The following DDX60L variants were observed in gnomAD, a reference collection of about 807,000 sequenced individuals.
The protein encoded by DDX60L is DExD/H-box 60 like, also known as probable ATP-dependent RNA helicase DDX60-like.
DDX60L carries 191 observed loss-of-function variants against 211.6 expected under a neutral mutation model. That is an observed-to-expected ratio of 0.90 (90% confidence interval 0.80 to 1.02). The LOEUF is 1.02. Ranked by LOEUF, DDX60L falls within the 50% of genes least tolerant of loss-of-function variation. The pLI is 0.00. For synonymous variants in DDX60L, 706 were observed against 694.1 expected (o/e 1.02, Z -0.27); for missense variants, 2,007 against 1,984.1 (o/e 1.01, Z -0.22).
Position 168,391,642 on chromosome 4 carries a change from TA to T in DDX60L, c.3812del (p.Val1271GlufsTer2). Reference sequence around the variant, plus strand: ...AGGCAAGTGTTTCAGTAGCTGTCACTACCTAGGAAAAAAAAAAAAAAACAGT... The same window carrying T: ...AGGCAAGTGTTTCAGTAGCTGTCACTCCTAGGAAAAAAAAAAAAAAACAGT... ...EILFVKGLIR[V>X]VTATETLALG... On this transcript the variant is annotated frameshift_variant and splice_region_variant, in exon 29 of 38. Transcript: ENST00000682922. LOFTEE classifies it high-confidence loss of function. 7.1e-7 allele frequency: 1 copy of T among 1,415,872 alleles called. No homozygotes were observed. Among genetic ancestry groups the T allele is most frequent in the South Asian group, 1.4e-5 (1 of 72,008 alleles). 87.7% of individuals were successfully genotyped at this position (1,415,872 alleles called of 1,614,324 possible). A position where few individuals can be genotyped will look rare whatever the true frequency, so the allele number is the denominator to read the frequency against.
chr4:168,361,205 A>T lies in DDX60L; in HGVS notation c.4935T>A (p.Arg1645=). Residue 1645 remains arginine, a synonymous_variant, in exon 37 of 38, where the codon CGT becomes CGA. Coordinates refer to ENST00000682922, the MANE Select transcript of DDX60L (RefSeq NM_001012967.3). The stretch of plus-strand genomic sequence containing the variant: ...TCAAACACTTTAAAAGCTGTCCCAT[A>T]CGCATCCTAAAGAGAACAACATTTC... ...LTRLDQKNGM[R]MGQLLKCLKD... is the part of the protein sequence containing the mutation. 2 of 1,583,022 alleles carry T rather than the reference A, an allele frequency of 1.3e-6. No individual in the cohort carries two copies. Among genetic ancestry groups the T allele is most frequent in the African/African-American group, 1.3e-5 (1 of 74,666 alleles).
rs543975688 is a variant in DDX60L at position 168,371,909 on chromosome 4, T to C, written c.4777-146A>G. ...GGAGGCAGGCAGAGGGGGATTCCCATGGGGGTTGAGGGAAATAGGGCCCAT... is the reference window on the plus strand; with the variant it reads ...GGAGGCAGGCAGAGGGGGATTCCCACGGGGGTTGAGGGAAATAGGGCCCAT... On this transcript the variant is annotated intron_variant, in intron 35 of 37. Coordinates refer to ENST00000682922, the MANE Select transcript of DDX60L (RefSeq NM_001012967.3). 9.4e-4 allele frequency: 676 copies of C among 715,360 alleles called. 10 individuals carry two copies. The South Asian group carries it at 0.013, about 14-fold the overall frequency. 44.3% of individuals were successfully genotyped at this position (715,360 alleles called of 1,614,324 possible).
intron 32 of DDX60L, among the ~76,000 whole-genome samples, chr4:168,378,829 A>G (rs1337775063): frequency 1.3e-5 from 2 of 152,166 alleles, no homozygotes; most frequent in Non-Finnish European, 2.9e-5. Flanking sequence ...CCTTTACTCA[A>G]AAACCTTTGA....
Position 168,363,395 on chromosome 4 carries a change from G to A in DDX60L, c.4929-2184C>T, listed in dbSNP as rs377707381. Among the ~76,000 whole-genome samples the A allele has an allele frequency of 1.1e-4, 17 of 152,224 alleles. 1 individual carries two copies. Among genetic ancestry groups the A allele is most frequent in the African/African-American group, 2.2e-4 (9 of 41,530 alleles). ...AAAACTCATCGATAGAAGTAAATTCGTAATCAAATTCAGAATAACCTCATG... is the reference window on the plus strand; with the variant it reads ...AAAACTCATCGATAGAAGTAAATTCATAATCAAATTCAGAATAACCTCATG... On this transcript the variant is annotated intron_variant, in intron 36 of 37. Coordinates refer to ENST00000682922, the MANE Select transcript of DDX60L (RefSeq NM_001012967.3).
At chr4:168,413,787 T>C (rs1196772637) in intron 22 of DDX60L, among the ~76,000 whole-genome samples, 1 of 152,080 alleles carries the variant, frequency 6.6e-6, no homozygotes, top group Non-Finnish European at 1.5e-5. Flanking sequence ...TTAAAGGGGC[T>C]TAAAACCCCT....
intron 21 of DDX60L, 49 bp downstream of exon 21, chr4:168,415,608 G>A (rs2149839732): frequency 7.0e-7 from 1 of 1,433,736 alleles, no homozygotes; most frequent in Non-Finnish European, 9.4e-7. Context: ...AAAAAGCTTT[G>A]TAGTAAAATA....
At chr4:168,374,111 G>C (rs183052104) in intron 34 of DDX60L, among the ~76,000 whole-genome samples, 1 of 151,820 alleles carries the variant, frequency 6.6e-6, no homozygotes, top group Non-Finnish European at 1.5e-5. Flanking sequence ...AGTGGATTTG[G>C]AGCTGGCATA....
chr4:168,400,856 A>C lies in DDX60L; in HGVS notation c.3461T>G (p.Leu1154Arg), dbSNP rs1330824369. Residue 1154 changes from leucine to arginine, a missense_variant, in exon 26 of 38, where the codon CTT (leucine) becomes CGT (arginine). Physicochemically the swap from Leu to Arg is moderately radical, Grantham distance 102. Coordinates refer to ENST00000682922, the MANE Select transcript of DDX60L (RefSeq NM_001012967.3). ...HSYVFAIDEV[L>R]EKVRKTQKRI... ...TTTCTGTGTCTTCCTCACTTTTTCA[A>C]GTACTTCATCTATTGCAAAGACATA... 1.9e-6 allele frequency: 3 copies of C among 1,612,346 alleles called. No individual in the cohort carries two copies. The highest frequency in any genetic ancestry group is 1.3e-5 in the African/African-American group (1 of 74,840).
In DDX60L at chr4:168,406,622, C is replaced by G; in HGVS notation, c.3064G>C (p.Glu1022Gln). ...QLYDTMAQVWETWPRAQELCP... is the reference protein window; with the variant it reads ...QLYDTMAQVWQTWPRAQELCP... ...TTTACCTGAGCCCTGGGCCAAGTTTCCCAGACTTGAGCCATGGTATCATAA... is the reference window on the plus strand; with the variant it reads ...TTTACCTGAGCCCTGGGCCAAGTTTGCCAGACTTGAGCCATGGTATCATAA... Residue 1022 changes from glutamate to glutamine, a missense_variant, in exon 23 of 38, where the codon GAA (glutamate) becomes CAA (glutamine). Glu to Gln is a conservative substitution (Grantham distance 29). Transcript: ENST00000682922. 1 of 1,599,904 alleles carries G rather than the reference C, an allele frequency of 6.3e-7. No individual in the cohort carries two copies. Among genetic ancestry groups the G allele is most frequent in the Non-Finnish European group, 8.5e-7 (1 of 1,172,336 alleles).
At position 168,451,560 on chromosome 4, in the gene DDX60L, T is replaced by C. The variant is rs545386174; in HGVS notation, c.996+1564A>G. Among the ~76,000 whole-genome samples, 24 of 152,334 alleles carry C rather than the reference T, an allele frequency of 1.6e-4. No individual in the cohort carries two copies. The South Asian group carries it at 5.0e-3, about 32-fold the overall frequency. The stretch of plus-strand genomic sequence containing the variant: ...TTTGTTCCTATTGCCACCAACATCT[T>C]AGCCATGTTAGCATCATCACCATGT... On this transcript the variant is annotated intron_variant, in intron 8 of 37. Transcript: ENST00000682922.
At chr4:168,453,014 G>T (rs573805533) in intron 8 of DDX60L, 110 bp downstream of exon 8, 320 of 1,145,490 alleles carry the variant, frequency 2.8e-4, no homozygotes, top group Non-Finnish European at 3.5e-4. Flanking sequence ...ATAGGAACTT[G>T]ATTTATCAGC....
chr4:168,413,063 G>C (rs921723639), intron 22 of DDX60L, among the ~76,000 whole-genome samples: 7 of 152,166 alleles, frequency 4.6e-5, no homozygotes, highest in African/African-American at 1.7e-4. Context: ...CCTTCTCAAG[G>C]ACAAGTACAA....
chr4:168,424,174 G>C (rs973818006), intron 14 of DDX60L, among the ~76,000 whole-genome samples: 1 of 152,124 alleles, frequency 6.6e-6, no homozygotes, highest in African/African-American at 2.4e-5. Flanking sequence ...GATTTTAGAT[G>C]CCTGACCAAA....
chr4:168,371,865 C>A, intron 35 of DDX60L, 102 bp from the exon 36 acceptor site: 2 of 1,171,500 alleles, frequency 1.7e-6, no homozygotes, highest in South Asian at 1.9e-5. Context: ...AAAGTACGTT[C>A]TGAAGAAGTT....
rs1285262849 is a variant in DDX60L, at chr4:168,480,483, G to A, written c.-217C>T. 1 of 152,240 alleles carries A rather than the reference G, an allele frequency of 6.6e-6. No individual in the cohort carries two copies. Among genetic ancestry groups the A allele is most frequent in the Admixed American group, 6.5e-5 (1 of 15,290 alleles). The allele number at this position is 152,240 out of a possible 1,614,324, so 9.4% of individuals were successfully genotyped here. On this transcript the variant is annotated 5_prime_UTR_variant, in exon 1 of 38. Transcript: ENST00000682922. ...CGCAGAGCCTGGCGTCGGACTGGGC[G>A]CTCTGAGCCACACAGCAGCCAGCGC...
At chr4:168,446,419 TA>T (rs1754806067) in intron 9 of DDX60L, among the ~76,000 whole-genome samples, 1 of 152,108 alleles carries the variant, frequency 6.6e-6, no homozygotes, top group Admixed American at 6.6e-5. Flanking sequence ...TGCTCATGGG[TA>T]GGAAGAATCA....
chr4:168,435,766 A>G (rs2149967200), intron 10 of DDX60L, among the ~76,000 whole-genome samples: 1 of 152,270 alleles, frequency 6.6e-6, no homozygotes, highest in East Asian at 1.9e-4. Flanking sequence ...TTCTTCCACA[A>G]AGTATCTCAC....
At chr4:168,458,503 G>A (rs146203809) in intron 5 of DDX60L, among the ~76,000 whole-genome samples, 463 of 152,252 alleles carry the variant, frequency 3.0e-3, no homozygotes, top group African/African-American at 1.0e-2. Flanking sequence ...GTCCTTCACA[G>A]GGACATGGAT....
intron 1 of DDX60L, among the ~76,000 whole-genome samples, chr4:168,476,976 T>C (rs1759592811): frequency 1.3e-5 from 2 of 152,190 alleles, no homozygotes; most frequent in South Asian, 4.1e-4. Flanking sequence ...CCTGAATCAC[T>C]ATTGGGCCGA....
Sources: gnomAD v4.1 joint callset for allele counts (sites outside exome capture counted in the v4.1 genomes callset) on GRCh38, gnomAD v4.1.1 for gene constraint, MANE v1.5 for transcripts, NCBI Gene and HGNC (gene_info 2026-07-23, HGNC 2026-07-21) for gene names.